The following AK3 variants were observed in gnomAD, a reference collection of about 807,000 sequenced individuals.
AK3 encodes GTP:AMP phosphotransferase AK3, mitochondrial.
AK3 carries 27 observed loss-of-function variants against 23.7 expected under a neutral mutation model. The ratio of observed to expected loss-of-function variants is 1.14; its 90% confidence interval spans 0.84 to 1.57. The LOEUF (loss-of-function observed/expected upper bound fraction) is 1.57. Among genes scored for constraint, AK3 ranks in the 40% most tolerant of loss-of-function variants. The probability of loss-of-function intolerance (pLI) is 0.00; values close to 1 mark genes in which losing one functional copy is unlikely to be tolerated. For missense variants in AK3, 406 were observed against 285.6 expected (o/e 1.42, Z -3.04); for synonymous variants, 159 against 116.0 (o/e 1.37, Z -2.38).
intron 4 of AK3, among the ~76,000 whole-genome samples, chr9:4,713,519 C>T (rs1023545601): frequency 1.5e-4 from 23 of 152,116 alleles, no homozygotes; most frequent in African/African-American, 4.3e-4. Context: ...CTATAAGATA[C>T]CAGAACACCC....
In AK3 at chr9:4,740,069, AAAAAAAAAG is replaced by A. The variant is rs532846714; in HGVS notation, c.151+859_151+867del. 4.3e-3 allele frequency among the ~76,000 whole-genome samples: 652 copies of A among 150,748 alleles called. 7 individuals are homozygous for A. The highest frequency in any genetic ancestry group is 0.015 in the African/African-American group (599 of 40,924). ...CTGTTTGCTATCCTTACAAAAAAAA[AAAAAAAAAG>A]AAGGAAAACAAAAGAAAAAGGCCTT... On this transcript the variant is annotated intron_variant, in intron 1 of 4. Transcript: ENST00000381809.
intron 2 of AK3, 51 bp from the exon 3 acceptor site, chr9:4,719,358 G>A (rs1841831208): frequency 1.8e-6 from 2 of 1,135,514 alleles, no homozygotes; most frequent in Non-Finnish European, 2.5e-6. Flanking sequence ...GGAAGTATGG[G>A]GTGGGGGTGG....
intron 1 of AK3, among the ~76,000 whole-genome samples, chr9:4,733,909 C>A (rs1842211674): frequency 6.6e-6 from 1 of 152,182 alleles, no homozygotes; most frequent in South Asian, 2.1e-4. Context: ...GTCCCTCAAC[C>A]TCCTAGGGAA....
rs535104701 is a variant in AK3 at position 4,722,638 on chromosome 9, G to A, written c.152-13C>T. 2.8e-5 allele frequency: 45 copies of A among 1,613,664 alleles called. No individual in the cohort carries two copies. The highest frequency in any genetic ancestry group is 2.7e-4 in the African/African-American group (20 of 75,006). ...AACACGCCAATTTCTACAGCAAAGC[G>A]GGGAAAAAAATCAGTAAGTGCATTT... On this transcript the variant is annotated splice_polypyrimidine_tract_variant and intron_variant, in intron 1 of 4. Coordinates refer to ENST00000381809, the MANE Select transcript of AK3 (RefSeq NM_016282.4).
chr9:4,727,392 G>T (rs143996006), intron 1 of AK3, among the ~76,000 whole-genome samples: 297 of 152,300 alleles, frequency 2.0e-3, no homozygotes, highest in African/African-American at 6.8e-3. Context: ...AGATTTTCTG[G>T]ATACCTTGCT....
In AK3 at chr9:4,720,689, C is replaced by CA. The variant is rs61644070; in HGVS notation, c.272-1383dup. 4.2e-3 allele frequency among the ~76,000 whole-genome samples: 584 copies of CA among 140,156 alleles called. 7 individuals carry two copies. The highest frequency in any genetic ancestry group is 0.013 in the African/African-American group (490 of 37,306). The allele number at this position is 140,156 out of a possible 152,430, so 91.9% of individuals were successfully genotyped here. On this transcript the variant is annotated intron_variant, in intron 2 of 4. Coordinates refer to ENST00000381809, the MANE Select transcript of AK3 (RefSeq NM_016282.4). ...TGGTGACAGAGCAAGACACTGTCTC[C>CA]AAAAAAAAAAAAGTGACAAAGGTTA...
chr9:4,735,741 T>A (rs1842276387), intron 1 of AK3, among the ~76,000 whole-genome samples: 1 of 150,028 alleles, frequency 6.7e-6, no homozygotes. Flanking sequence ...AGTGCTGAGA[T>A]TACAGGTGTG....
intron 4 of AK3, among the ~76,000 whole-genome samples, chr9:4,714,191 C>CACACCTCCACATAT (rs1484180233): frequency 1.2e-5 from 1 of 86,896 alleles, no homozygotes; most frequent in Admixed American, 1.1e-4. Context: ...TCCACATACA[C>CACACCTCCACATAT]ACACCTCCAC....
intron 1 of AK3, among the ~76,000 whole-genome samples, chr9:4,725,813 A>G (rs955679287): frequency 1.3e-5 from 2 of 152,200 alleles, no homozygotes; most frequent in Non-Finnish European, 2.9e-5. Context: ...GCCCATGAAC[A>G]CATGATCAAC....
chr9:4,738,123 C>T (rs551919561), intron 1 of AK3, among the ~76,000 whole-genome samples: 57 of 152,302 alleles, frequency 3.7e-4, no homozygotes, highest in African/African-American at 1.3e-3. Flanking sequence ...ACAACATACG[C>T]GTCCAATAAA....
rs766846196 is a variant in AK3, at chr9:4,740,983, G to T, written c.105C>A (p.His35Gln). 6.3e-7 allele frequency: 1 copy of T among 1,591,160 alleles called. No individual in the cohort carries two copies. The highest frequency in any genetic ancestry group is 8.5e-7 in the Non-Finnish European group (1 of 1,170,940). Residue 35 changes from histidine to glutamine, a missense_variant, in exon 1 of 5, where the codon CAC becomes CAA. Coordinates refer to ENST00000381809, the MANE Select transcript of AK3 (RefSeq NM_016282.4). The part of the protein sequence containing the change: ...SRITTHFELK[H>Q]LSSGDLLRDN... ...CCCGGAGCAGGTCCCCGCTGGAGAGGTGCTTCAGCTCGAAGTGTGTAGTGA... is the reference window on the plus strand; with the variant it reads ...CCCGGAGCAGGTCCCCGCTGGAGAGTTGCTTCAGCTCGAAGTGTGTAGTGA...
At chr9:4,719,110 T>C (rs1563785454) in intron 3 of AK3, 25 bp downstream of exon 3, 2 of 1,611,478 alleles carry the variant, frequency 1.2e-6, no homozygotes, top group Non-Finnish European at 1.7e-6. Flanking sequence ...GTCTGCTATG[T>C]GACAGTTCCA....
chr9:4,728,854 T>TAC lies in AK3; in HGVS notation c.152-6230_152-6229insGT, dbSNP rs1408805790. ...CTACATATATATATATATATATATA[T>TAC]ATATATATATATACACACACACACA... is the stretch of plus-strand genomic sequence containing the variant. On this transcript the variant is annotated intron_variant, in intron 1 of 4. Coordinates refer to ENST00000381809, the MANE Select transcript of AK3 (RefSeq NM_016282.4). Among the ~76,000 whole-genome samples the TAC allele has an allele frequency of 6.8e-3, 322 of 47,382 alleles. 4 individuals are homozygous for TAC. The highest frequency in any genetic ancestry group is 0.015 in the African/African-American group (280 of 18,942). 31.1% of individuals were successfully genotyped at this position (47,382 alleles called of 152,430 possible).
At chr9:4,735,266 T>TATATATAC (rs1563798206) in intron 1 of AK3, among the ~76,000 whole-genome samples, 973 of 11,420 alleles carry the variant, frequency 0.085, 138 homozygotes, top group Middle Eastern at 0.2. Context: ...TATATAAATA[T>TATATATAC]ATATATAAAT....
chr9:4,713,125 A>G (rs757373618), intron 4 of AK3, 29 bp from the exon 5 acceptor site: 2 of 1,611,874 alleles, frequency 1.2e-6, no homozygotes, highest in Non-Finnish European at 8.5e-7. Context: ...CAAAACAAAC[A>G]CACACAGGTC....
At chr9:4,726,051 T>C (rs1304776484) in intron 1 of AK3, among the ~76,000 whole-genome samples, 1 of 152,212 alleles carries the variant, frequency 6.6e-6, no homozygotes, top group Non-Finnish European at 1.5e-5. Flanking sequence ...TTAAGTGCAA[T>C]AGCATTATGT....
chr9:4,714,393 C>T (rs1240756746), intron 4 of AK3, among the ~76,000 whole-genome samples: 2 of 152,128 alleles, frequency 1.3e-5, no homozygotes, highest in African/African-American at 4.8e-5. Flanking sequence ...TAAAATTTGC[C>T]ACAGTTAACT....
intron 4 of AK3, 102 bp downstream of exon 4, chr9:4,718,317 G>A: frequency 1.2e-6 from 1 of 828,614 alleles, no homozygotes; most frequent in Non-Finnish European, 2.1e-6. Context: ...CATGTGAACT[G>A]GGTCTTTTGG....
At chr9:4,720,009 A>G (rs1176090721) in intron 2 of AK3, among the ~76,000 whole-genome samples, 1 of 152,098 alleles carries the variant, frequency 6.6e-6, no homozygotes, top group Non-Finnish European at 1.5e-5. Context: ...GTTGTAGTGA[A>G]CCAAAATTCT....
Sources: allele counts gnomAD v4.1 joint callset (sites outside exome capture counted in the v4.1 genomes callset), GRCh38; gene constraint gnomAD v4.1.1; transcripts MANE v1.5; gene names NCBI Gene and HGNC (gene_info 2026-07-23, HGNC 2026-07-21).